Variants in BOLL observed in about 807,000 individuals in gnomAD.
The protein encoded by BOLL is boule RNA binding protein, also known as protein boule-like.
BOLL carries 23 observed loss-of-function variants against 44.4 expected under a neutral mutation model. That is an observed-to-expected ratio of 0.52 (90% CI 0.37 to 0.73). The LOEUF (loss-of-function observed/expected upper bound fraction) is 0.73, where lower values mean the gene tolerates loss of function less well. BOLL is among the 30% of genes least tolerant of loss of function. The probability of loss-of-function intolerance (pLI) is 0.00; values close to 1 mark genes in which losing one functional copy is unlikely to be tolerated. For missense variants in BOLL, 287 were observed against 338.3 expected, an observed-to-expected ratio of 0.85 and a Z score of 1.19; for synonymous variants, 97 against 110.8, an observed-to-expected ratio of 0.88 and a Z score of 0.78.
intron 1 of BOLL, among the ~76,000 whole-genome samples, chr2:197,784,392 ATATATATATATATAT>A (rs1689948599): frequency 8.8e-3 from 1 of 114 alleles, no homozygotes; most frequent in Admixed American, 0.25. Context: ...AGTCTAATAC[ATATATATATATATAT>A]ATATATATAT....
intron 5 of BOLL, among the ~76,000 whole-genome samples, chr2:197,773,076 G>A (rs1349964464): frequency 6.6e-6 from 1 of 151,430 alleles, no homozygotes; most frequent in Non-Finnish European, 1.5e-5. Flanking sequence ...ATTTGATCTA[G>A]TATTGTTATT....
intron 7 of BOLL, among the ~76,000 whole-genome samples, chr2:197,760,843 A>T (rs1265225228): frequency 1.3e-5 from 2 of 152,204 alleles, no homozygotes; most frequent in Non-Finnish European, 2.9e-5. Flanking sequence ...AGCAGCAAGA[A>T]AAAAGTATCA....
Position 197,785,154 on chromosome 2 carries a change from G to T in BOLL, c.-114C>A. The T allele has an allele frequency of 1.0e-6, 1 of 986,006 alleles. No homozygotes were observed. Among genetic ancestry groups the T allele is most frequent in the Non-Finnish European group, 1.2e-6 (1 of 829,940 alleles). 61.1% of individuals were successfully genotyped at this position (986,006 alleles called of 1,614,324 possible). On this transcript the variant is annotated 5_prime_UTR_variant, in exon 1 of 11. Coordinates refer to ENST00000392296, the MANE Select transcript of BOLL (RefSeq NM_033030.6). The surrounding 1 kb of genome is among the most constrained non-coding windows in gnomAD (Gnocchi z 6.7). ...GCGACAACTTCCTCGAGTTCTCTCG[G>T]GTCATCGTGAACTTGGGCACCGAAA...
At chr2:197,728,999 G>T (rs182145918) in intron 10 of BOLL, among the ~76,000 whole-genome samples, 4 of 152,258 alleles carry the variant, frequency 2.6e-5, no homozygotes, top group South Asian at 4.1e-4. Flanking sequence ...GAACAGCTCC[G>T]GTCTACAGCT....
chr2:197,784,856 G>T (rs1689995047), intron 1 of BOLL, 200 bp downstream of exon 1: 1 of 987,300 alleles, frequency 1.0e-6, no homozygotes, highest in South Asian at 4.7e-5. Flanking sequence ...CAATAATTCC[G>T]CATGTGTTAC....
intron 5 of BOLL, 113 bp downstream of exon 5, chr2:197,775,552 A>C: frequency 2.8e-6 from 2 of 722,958 alleles, no homozygotes; most frequent in Non-Finnish European, 4.3e-6. Flanking sequence ...TGCTAAAATA[A>C]CTTTATTAGA....
At position 197,730,287 on chromosome 2, in the gene BOLL, A is replaced by C. The variant is rs1437676543; in HGVS notation, c.829-1709T>G. 8.7e-4 allele frequency among the ~76,000 whole-genome samples: 113 copies of C among 130,322 alleles called. 1 individual carries two copies. Among genetic ancestry groups the C allele is most frequent in the Admixed American group, 1.9e-3 (24 of 12,772 alleles). The allele number at this position is 130,322 out of a possible 152,430, so 85.5% of individuals were successfully genotyped here. ...AAAAAAGAATAAAAAGAAATGAGCA[A>C]AGCCTCCAAGAAATATGGGACTATG... On this transcript the variant is annotated intron_variant, in intron 10 of 10. Coordinates refer to ENST00000392296, the MANE Select transcript of BOLL (RefSeq NM_033030.6).
chr2:197,754,707 C>G (rs1383632903), intron 9 of BOLL, among the ~76,000 whole-genome samples: 4 of 147,838 alleles, frequency 2.7e-5, no homozygotes, highest in Non-Finnish European at 4.5e-5. Flanking sequence ...GAGCAAGACT[C>G]CGTCTCAAAA....
intron 5 of BOLL, among the ~76,000 whole-genome samples, chr2:197,773,734 GAA>G (rs769962560): frequency 2.3e-4 from 35 of 151,976 alleles, no homozygotes; most frequent in Non-Finnish European, 4.9e-4. Context: ...AGCATGGAAA[GAA>G]AAGGGAAGAA....
At chr2:197,750,911 A>AG (rs904618764) in intron 9 of BOLL, among the ~76,000 whole-genome samples, 56 of 152,356 alleles carry the variant, frequency 3.7e-4, no homozygotes, top group Admixed American at 3.1e-3. Flanking sequence ...AACACTCCTC[A>AG]GAAAATGGTA....
Position 197,743,044 on chromosome 2 carries a change from C to T in BOLL, c.828+17G>A. ...ATGGAAGAAAAACAAAGTAAAAAGT[C>T]AAAACAAATTTCTTACTTTAATTGG... On this transcript the variant is annotated intron_variant, in intron 10 of 10. Transcript: ENST00000392296. The T allele has an allele frequency of 1.3e-6, 2 of 1,534,764 alleles. No individual in the cohort carries two copies. Among genetic ancestry groups the T allele is most frequent in the South Asian group, 2.5e-5 (2 of 79,948 alleles).
chr2:197,779,842 G>A (rs1162007145), intron 2 of BOLL, among the ~76,000 whole-genome samples: 1 of 151,852 alleles, frequency 6.6e-6, no homozygotes, highest in African/African-American at 2.4e-5. Context: ...TGGTTTAGCT[G>A]TAACTGTTTG....
At chr2:197,752,595 A>C (rs1483564838) in intron 9 of BOLL, among the ~76,000 whole-genome samples, 1 of 152,222 alleles carries the variant, frequency 6.6e-6, no homozygotes, top group Non-Finnish European at 1.5e-5. Context: ...ACAACTTACA[A>C]GGGATGTGAA....
At chr2:197,744,879 GAGA>G (rs1335752994) in intron 9 of BOLL, among the ~76,000 whole-genome samples, 4 of 152,198 alleles carry the variant, frequency 2.6e-5, no homozygotes, top group African/African-American at 7.2e-5. Flanking sequence ...AACCAGTGGA[GAGA>G]AGAAGACTTC....
At chr2:197,728,982 C>T (rs921588279) in intron 10 of BOLL, among the ~76,000 whole-genome samples, 2 of 152,098 alleles carry the variant, frequency 1.3e-5, no homozygotes, top group Admixed American at 6.5e-5. Context: ...CCAAGATGGC[C>T]GAATAGGAAC....
intron 2 of BOLL, among the ~76,000 whole-genome samples, chr2:197,780,286 A>G (rs983085430): frequency 1.3e-5 from 2 of 152,022 alleles, no homozygotes; most frequent in African/African-American, 4.8e-5. Context: ...TATTAAAGTA[A>G]ATGATTTCCT....
At chr2:197,778,805 T>TACACACACACACACACACAC (rs71964015) in intron 3 of BOLL, among the ~76,000 whole-genome samples, 170 bp downstream of exon 3, 9 of 143,490 alleles carry the variant, frequency 6.3e-5, no homozygotes, top group African/African-American at 2.3e-4. Context: ...CCCTCCAAAA[T>TACACACACACACACACACAC]ACACACACAC....
chr2:197,730,967 T>C (rs1330189664), intron 10 of BOLL, among the ~76,000 whole-genome samples: 1 of 151,492 alleles, frequency 6.6e-6, no homozygotes, highest in Middle Eastern at 3.4e-3. Flanking sequence ...ATAACAATAT[T>C]AACTTTAAAT....
intron 6 of BOLL, among the ~76,000 whole-genome samples, chr2:197,768,280 TC>T (rs1689087306): frequency 6.6e-6 from 1 of 152,012 alleles, no homozygotes; most frequent in Admixed American, 6.6e-5. Flanking sequence ...ATAGGAAGAT[TC>T]AATATTTTAA....
Sources: allele counts gnomAD v4.1 joint callset (sites outside exome capture counted in the v4.1 genomes callset), GRCh38; gene constraint gnomAD v4.1.1; non-coding constraint Gnocchi (gnomAD v3.1); transcripts MANE v1.5; gene names NCBI Gene and HGNC (gene_info 2026-07-23, HGNC 2026-07-21).